Variants in CADPS observed in about 807,000 individuals in gnomAD.
CADPS encodes the protein calcium-dependent secretion activator 1.
In CADPS, 57 loss-of-function variants were observed where a neutral mutation model predicts 167.3. The ratio of observed to expected loss-of-function variants is 0.34; its 90% confidence interval spans 0.28 to 0.42. CADPS has a LOEUF of 0.42. CADPS is among the 20% of genes least tolerant of loss of function. CADPS has a pLI of 1.00. For missense variants in CADPS, 1,414 were observed against 1,738.1 expected (o/e 0.81, Z 3.32); for synonymous variants, 676 against 635.3 (o/e 1.06, Z -0.96).
In CADPS at chr3:62,702,569, A is replaced by G. The variant is rs527985653; in HGVS notation, c.889-40175T>C. Among the ~76,000 whole-genome samples the G allele has an allele frequency of 9.8e-4, 149 of 152,266 alleles. 2 individuals are homozygous for G. In the South Asian group the frequency reaches 0.03, roughly 31 times the overall value. ...AAACGTGAAATGTTAAGGACTCGAT[A>G]GTACCGGGTCACTGACTGCATGGAA... On this transcript the variant is annotated intron_variant, in intron 3 of 29. Transcript: ENST00000383710.
chr3:62,788,016 T>C (rs1005683888), intron 1 of CADPS, among the ~76,000 whole-genome samples: 3 of 152,332 alleles, frequency 2.0e-5, no homozygotes, highest in South Asian at 2.1e-4. Context: ...GTGTCTTTAA[T>C]GTGTTTCTCA....
At chr3:62,525,844 G>T (rs1433115053) in intron 13 of CADPS, among the ~76,000 whole-genome samples, 2 of 152,100 alleles carry the variant, frequency 1.3e-5, no homozygotes, top group Non-Finnish European at 2.9e-5. Flanking sequence ...ACCATTATGT[G>T]ACATGGATTG....
At chr3:62,762,743 G>A (rs1045861353) in intron 2 of CADPS, among the ~76,000 whole-genome samples, 4 of 151,898 alleles carry the variant, frequency 2.6e-5, no homozygotes, top group East Asian at 3.9e-4. Context: ...GGACTTGAGC[G>A]TCTGAGGATT....
intron 1 of CADPS, among the ~76,000 whole-genome samples, chr3:62,854,740 A>G (rs1170176731): frequency 6.6e-6 from 1 of 152,204 alleles, no homozygotes; most frequent in Non-Finnish European, 1.5e-5. Context: ...TGAGCCTGAA[A>G]AATATTTCCT....
chr3:62,725,662 C>T (rs1406614754), intron 3 of CADPS, among the ~76,000 whole-genome samples: 3 of 150,246 alleles, frequency 2.0e-5, no homozygotes, highest in South Asian at 2.1e-4. Flanking sequence ...AACACCGGTA[C>T]ATTTGCTATT....
At chr3:62,481,392 G>T (rs766719480) in intron 22 of CADPS, among the ~76,000 whole-genome samples, 1 of 152,128 alleles carries the variant, frequency 6.6e-6, no homozygotes, top group Non-Finnish European at 1.5e-5. Context: ...CACCAAAGAG[G>T]TTTCCTCCAC....
At chr3:62,771,593 G>C (rs946584009) in intron 1 of CADPS, among the ~76,000 whole-genome samples, 1 of 152,122 alleles carries the variant, frequency 6.6e-6, no homozygotes, top group Non-Finnish European at 1.5e-5. Flanking sequence ...CGCTTAGAGA[G>C]AGAATCCTCC....
At chr3:62,764,744 G>A (rs2086419128) in intron 2 of CADPS, among the ~76,000 whole-genome samples, 1 of 152,184 alleles carries the variant, frequency 6.6e-6, no homozygotes, top group South Asian at 2.1e-4. Flanking sequence ...GGCAGACTAA[G>A]TACGTGCTTA....
intron 28 of CADPS, among the ~76,000 whole-genome samples, chr3:62,417,086 G>T (rs1300479183): frequency 6.6e-6 from 1 of 151,796 alleles, no homozygotes; most frequent in Admixed American, 6.6e-5. Flanking sequence ...TTTTTCACTG[G>T]CCTGTGAATG....
intron 17 of CADPS, among the ~76,000 whole-genome samples, chr3:62,507,698 C>T (rs1436152525): frequency 1.3e-5 from 2 of 152,084 alleles, no homozygotes; most frequent in Non-Finnish European, 2.9e-5. Context: ...TGAATCAGAA[C>T]CTACATTTCA....
chr3:62,655,872 C>A (rs535857317), intron 4 of CADPS, among the ~76,000 whole-genome samples: 3 of 151,934 alleles, frequency 2.0e-5, no homozygotes, highest in Admixed American at 6.6e-5. Flanking sequence ...GAAAACCAGC[C>A]GAGAGGTGAT....
intron 28 of CADPS, among the ~76,000 whole-genome samples, chr3:62,434,882 AG>A (rs1322948398): frequency 6.6e-6 from 1 of 152,208 alleles, no homozygotes; most frequent in Non-Finnish European, 1.5e-5. Context: ...AACAACTTAA[AG>A]GACTTATCAG....
chr3:62,498,390 T>C (rs561155623), intron 18 of CADPS, among the ~76,000 whole-genome samples: 2 of 152,238 alleles, frequency 1.3e-5, no homozygotes, highest in Admixed American at 6.5e-5. Context: ...GGGGGAGAAT[T>C]ATGCAATTTT....
At chr3:62,641,927 T>C (rs950337870) in intron 6 of CADPS, among the ~76,000 whole-genome samples, 8 of 152,148 alleles carry the variant, frequency 5.3e-5, no homozygotes, top group African/African-American at 1.9e-4. Flanking sequence ...CGCAGTGTTA[T>C]TATATTATAC....
At chr3:62,462,785 T>C (rs566955882) in intron 26 of CADPS, among the ~76,000 whole-genome samples, 1 of 152,272 alleles carries the variant, frequency 6.6e-6, no homozygotes, top group African/African-American at 2.4e-5. Context: ...TCCACTCCAC[T>C]CCTGGGGAAT....
At chr3:62,690,236 C>T (rs1327844116) in intron 3 of CADPS, among the ~76,000 whole-genome samples, 4 of 152,050 alleles carry the variant, frequency 2.6e-5, no homozygotes, top group African/African-American at 4.8e-5. Context: ...CCATAGTCCC[C>T]ACCATTCCCA....
intron 1 of CADPS, 149 bp from the exon 2 acceptor site, chr3:62,766,133 C>A (rs1393804963): frequency 2.4e-6 from 1 of 425,374 alleles, no homozygotes; most frequent in South Asian, 8.0e-5. Flanking sequence ...GTGGAAACTT[C>A]TGTGAGCCAG....
intron 6 of CADPS, among the ~76,000 whole-genome samples, chr3:62,618,847 T>A (rs985651472): frequency 6.6e-6 from 1 of 152,216 alleles, no homozygotes; most frequent in Non-Finnish European, 1.5e-5. Context: ...TGTTGGCACC[T>A]AGAAGGCCTA....
At chr3:62,405,026 G>A (rs1022533616) in intron 28 of CADPS, among the ~76,000 whole-genome samples, 68 of 151,600 alleles carry the variant, frequency 4.5e-4, no homozygotes, top group African/African-American at 1.6e-3. Flanking sequence ...GTGATCACTG[G>A]GTCACTGGTA....
Sources: gnomAD v4.1 joint callset for allele counts (sites outside exome capture counted in the v4.1 genomes callset) on GRCh38, gnomAD v4.1.1 for gene constraint, MANE v1.5 for transcripts, NCBI Gene and HGNC (gene_info 2026-07-23, HGNC 2026-07-21) for gene names.